GRIK2: variants seen among roughly 807,000 people sequenced by gnomAD.
GRIK2 encodes the protein glutamate ionotropic receptor kainate type subunit 2.
Under a neutral mutation model 100.3 loss-of-function variants are expected in GRIK2, and 32 were observed. That is an observed-to-expected ratio of 0.32 (90% CI 0.24 to 0.43). The LOEUF (loss-of-function observed/expected upper bound fraction) is 0.43. GRIK2 is among the 20% of genes least tolerant of loss of function. The pLI is 1.00. For synonymous variants in GRIK2, 417 were observed against 389.4 expected, an observed-to-expected ratio of 1.07 and a Z score of -0.83; for missense variants, 843 against 1,114.9, an observed-to-expected ratio of 0.76 and a Z score of 3.47.
At position 101,955,865 on chromosome 6, in the gene GRIK2, C is replaced by T. The variant is rs551932103; in HGVS notation, c.2085+27233C>T. On this transcript the variant is annotated intron_variant, in intron 14 of 16. Coordinates refer to ENST00000369134, the MANE Select transcript of GRIK2 (RefSeq NM_021956.5). ...GACTTGGCTTTGTGTTTCTTTGATTCTCTCTCTTTTTCAAGTTGTTGCTTC... is the reference window on the plus strand; with the variant it reads ...GACTTGGCTTTGTGTTTCTTTGATTTTCTCTCTTTTTCAAGTTGTTGCTTC... Among the ~76,000 whole-genome samples the T allele has an allele frequency of 2.6e-5, 4 of 151,720 alleles. No homozygotes were observed. The East Asian group carries it at 7.8e-4, about 30-fold the overall frequency.
At chr6:101,894,318 A>G (rs1787295576) in intron 12 of GRIK2, among the ~76,000 whole-genome samples, 1 of 151,724 alleles carries the variant, frequency 6.6e-6, no homozygotes, top group Non-Finnish European at 1.5e-5. Flanking sequence ...ATATAGTTTT[A>G]TATTTTATGA....
chr6:102,044,446 C>A (rs546625356), intron 15 of GRIK2, among the ~76,000 whole-genome samples: 108 of 152,136 alleles, frequency 7.1e-4, no homozygotes, highest in African/African-American at 2.5e-3. Context: ...ACTTACATTT[C>A]CACATGATTG....
intron 7 of GRIK2, among the ~76,000 whole-genome samples, chr6:101,772,197 C>CT (rs1287997970): frequency 8.5e-5 from 13 of 152,142 alleles, no homozygotes; most frequent in Admixed American, 7.9e-4. Context: ...TCTGGGACCC[C>CT]ACAAGAAAGA....
chr6:101,614,391 T>G (rs1200957219), intron 2 of GRIK2, among the ~76,000 whole-genome samples: 1 of 151,722 alleles, frequency 6.6e-6, no homozygotes. Context: ...ATTGCTTATA[T>G]TTTTCCAGTT....
chr6:101,430,029 C>G (rs1022562811), intron 2 of GRIK2, among the ~76,000 whole-genome samples: 1 of 152,110 alleles, frequency 6.6e-6, no homozygotes, highest in Admixed American at 6.5e-5. Context: ...CTCTTGCCAG[C>G]CTTTAGAGAA....
At chr6:101,527,729 A>G (rs1376772324) in intron 2 of GRIK2, among the ~76,000 whole-genome samples, 1 of 152,178 alleles carries the variant, frequency 6.6e-6, no homozygotes, top group African/African-American at 2.4e-5. Flanking sequence ...TTCAAGGGCT[A>G]TACTTTAGAG....
chr6:101,698,635 T>A (rs766090207), intron 7 of GRIK2, among the ~76,000 whole-genome samples: 60 of 152,224 alleles, frequency 3.9e-4, no homozygotes, highest in Non-Finnish European at 7.6e-4. Flanking sequence ...TCATTCATTC[T>A]CCAAATATTT....
At chr6:101,760,935 T>C (rs999967622) in intron 7 of GRIK2, among the ~76,000 whole-genome samples, 1 of 151,688 alleles carries the variant, frequency 6.6e-6, no homozygotes, top group South Asian at 2.1e-4. Context: ...CTGTCTCATA[T>C]GAGATACTTA....
At chr6:101,813,433 T>A (rs1781455599) in intron 9 of GRIK2, among the ~76,000 whole-genome samples, 1 of 152,198 alleles carries the variant, frequency 6.6e-6, no homozygotes, top group Non-Finnish European at 1.5e-5. Flanking sequence ...GTCACATAAT[T>A]ATCTTTTATA....
At position 101,817,967 on chromosome 6, in the gene GRIK2, C is replaced by T. The variant is rs185029902; in HGVS notation, c.1204-403C>T. ...ATTTATCTTGGATCCCTAGATTTTG[C>T]GCTGTCTTTTAGCTTTGTCTGTATA... On this transcript the variant is annotated intron_variant, in intron 9 of 16. Transcript: ENST00000369134. 1.3e-4 allele frequency among the ~76,000 whole-genome samples: 20 copies of T among 152,228 alleles called. No individual in the cohort carries two copies. The East Asian group carries it at 1.7e-3, about 13-fold the overall frequency.
intron 14 of GRIK2, among the ~76,000 whole-genome samples, chr6:101,955,729 T>G (rs1370379406): frequency 6.6e-6 from 1 of 152,124 alleles, no homozygotes; most frequent in Non-Finnish European, 1.5e-5. Context: ...TATTCCCTTT[T>G]AATCCTTTTT....
intron 2 of GRIK2, among the ~76,000 whole-genome samples, chr6:101,516,656 C>T (rs888944720): frequency 1.3e-5 from 2 of 152,066 alleles, no homozygotes; most frequent in African/African-American, 4.8e-5. Flanking sequence ...TAATCCTTTA[C>T]AGTTTAAATA....
chr6:101,714,964 TAA>T lies in GRIK2; in HGVS notation c.951+28612_951+28613del, dbSNP rs562295541. 4.6e-5 allele frequency among the ~76,000 whole-genome samples: 7 copies of T among 151,838 alleles called. No homozygotes were observed. The East Asian group carries it at 7.8e-4, about 17-fold the overall frequency. On this transcript the variant is annotated intron_variant, in intron 7 of 16. Coordinates refer to ENST00000369134, the MANE Select transcript of GRIK2 (RefSeq NM_021956.5). ...TATAAAATGTGAGTAAAATTAATAT[TAA>T]GAGAGAATTTGAATAGCTTCAATAT...
chr6:101,512,185 A>C (rs1774357090), intron 2 of GRIK2, among the ~76,000 whole-genome samples: 1 of 151,886 alleles, frequency 6.6e-6, no homozygotes, highest in African/African-American at 2.4e-5. Flanking sequence ...GTAAGGTATA[A>C]AATTAAAAGA....
chr6:101,780,181 C>T (rs550239739), intron 7 of GRIK2, among the ~76,000 whole-genome samples: 92 of 146,864 alleles, frequency 6.3e-4, no homozygotes, highest in African/African-American at 2.2e-3. Context: ...ATTGGAATCC[C>T]AGCTCAGAGA....
intron 10 of GRIK2, among the ~76,000 whole-genome samples, chr6:101,844,566 A>T (rs1783697971): frequency 6.6e-6 from 1 of 152,226 alleles, no homozygotes; most frequent in Admixed American, 6.5e-5. Context: ...GTAAAGAACA[A>T]TCTTAAGCAT....
chr6:101,461,117 C>T (rs1040258113), intron 2 of GRIK2, among the ~76,000 whole-genome samples: 2 of 152,122 alleles, frequency 1.3e-5, no homozygotes, highest in African/African-American at 4.8e-5. Flanking sequence ...TTGCTAAATA[C>T]TGGAGATGAA....
At chr6:101,641,446 G>A (rs1487478372) in intron 4 of GRIK2, among the ~76,000 whole-genome samples, 3 of 151,878 alleles carry the variant, frequency 2.0e-5, no homozygotes, top group African/African-American at 7.2e-5. Context: ...AAAATGACAA[G>A]CTGTAATTCC....
chr6:101,743,654 A>G (rs1583058803), intron 7 of GRIK2, among the ~76,000 whole-genome samples: 2 of 152,102 alleles, frequency 1.3e-5, no homozygotes, highest in African/African-American at 4.8e-5. Context: ...TCTGGTCTTT[A>G]AAAATAACAT....
Sources: gnomAD v4.1 joint callset for allele counts (sites outside exome capture counted in the v4.1 genomes callset) on GRCh38, gnomAD v4.1.1 for gene constraint, MANE v1.5 for transcripts, NCBI Gene and HGNC (gene_info 2026-07-23, HGNC 2026-07-21) for gene names.